The following ANO2 variants were observed in gnomAD, a reference collection of about 807,000 sequenced individuals.
ANO2 encodes anoctamin 2.
Under a neutral mutation model 124.2 loss-of-function variants are expected in ANO2, and 101 were observed. The observed-to-expected ratio is 0.81, with a 90% confidence interval of 0.69 to 0.96. The LOEUF (loss-of-function observed/expected upper bound fraction) is 0.96. ANO2 is among the 40% of genes least tolerant of loss of function. ANO2 has a pLI of 0.00. For missense variants in ANO2, 1,293 were observed against 1,274.5 expected, an observed-to-expected ratio of 1.01 and a Z score of -0.22; for synonymous variants, 486 against 482.5, an observed-to-expected ratio of 1.01 and a Z score of -0.09.
At chr12:5,564,972 TGGG>T (rs770236103) in intron 24 of ANO2, among the ~76,000 whole-genome samples, 6 of 151,974 alleles carry the variant, frequency 3.9e-5, no homozygotes, top group Non-Finnish European at 7.4e-5. Context: ...GAGTGGGAAT[TGGG>T]GGCCCTCGAG....
intron 23 of ANO2, among the ~76,000 whole-genome samples, chr12:5,566,914 C>T (rs1191462522): frequency 6.6e-6 from 1 of 152,154 alleles, no homozygotes; most frequent in Non-Finnish European, 1.5e-5. Context: ...CTCTTTGGTC[C>T]CTTCTCCTGC....
chr12:5,831,753 C>A (rs367872529), intron 5 of ANO2, among the ~76,000 whole-genome samples: 13 of 152,144 alleles, frequency 8.5e-5, no homozygotes, highest in African/African-American at 2.9e-4. Flanking sequence ...ATGAGAAGGT[C>A]CTTCTTTCTG....
At chr12:5,919,084 A>G (rs1941544050) in intron 3 of ANO2, among the ~76,000 whole-genome samples, 1 of 152,212 alleles carries the variant, frequency 6.6e-6, no homozygotes, top group South Asian at 2.1e-4. Flanking sequence ...GCACAGATAA[A>G]AAACAAACAA....
In ANO2 at chr12:5,670,637, T is replaced by G. The variant is rs1591861126; in HGVS notation, c.1546-22836A>C. Among the ~76,000 whole-genome samples, 4 of 152,284 alleles carry G rather than the reference T, an allele frequency of 2.6e-5. No homozygotes were observed. In the South Asian group the frequency reaches 8.3e-4, roughly 32 times the overall value. ...GCAGCCTTGAACTTTTGGAGCCAGT[T>G]AATCCTCCCACCACACCCTCCCAAG... On this transcript the variant is annotated intron_variant, in intron 14 of 24. Coordinates refer to ENST00000682330, the MANE Select transcript of ANO2 (RefSeq NM_001364791.2).
chr12:5,599,518 T>A lies in ANO2; in HGVS notation c.2199A>T (p.Pro733=). ...TGTACTCCGGAGTCAGTCCTGTGTATGGTTCCAAGCTGTAGTCTAGGTCCC... is the reference window on the plus strand; with the variant it reads ...TGTACTCCGGAGTCAGTCCTGTGTAAGGTTCCAAGCTGTAGTCTAGGTCCC... The part of the protein sequence containing the change: ...EQWDLDYSLE[P]YTGLTPEYME... The change falls in exon 20 of 25, where the codon CCA becomes CCT. Residue 733 remains proline (P), a synonymous_variant. Transcript: ENST00000682330. The A allele has an allele frequency of 6.2e-7, 1 of 1,613,098 alleles. No individual in the cohort carries two copies. Among genetic ancestry groups the A allele is most frequent in the East Asian group, 2.2e-5 (1 of 44,862 alleles).
intron 7 of ANO2, among the ~76,000 whole-genome samples, chr12:5,814,569 C>T (rs1953542346): frequency 1.3e-5 from 2 of 152,266 alleles, no homozygotes; most frequent in South Asian, 4.1e-4. Context: ...CCCTACACGA[C>T]ATCCTATCCA....
chr12:5,676,773 G>A (rs1014573620), intron 14 of ANO2, among the ~76,000 whole-genome samples: 6 of 152,132 alleles, frequency 3.9e-5, no homozygotes, highest in African/African-American at 1.4e-4. Context: ...AAGGAAACAG[G>A]CTGGGCCCGG....
chr12:5,815,126 A>T (rs926761417), intron 7 of ANO2, among the ~76,000 whole-genome samples: 10 of 152,236 alleles, frequency 6.6e-5, no homozygotes, highest in African/African-American at 2.4e-4. Context: ...AGAAAAAAAT[A>T]AATGAGCAGC....
chr12:5,659,771 G>A (rs962166607), intron 14 of ANO2, among the ~76,000 whole-genome samples: 4 of 151,908 alleles, frequency 2.6e-5, no homozygotes, highest in Non-Finnish European at 5.9e-5. Flanking sequence ...TTCTCAGCTC[G>A]CTGCCTCGTC....
At chr12:5,738,579 G>A (rs1170490987) in intron 13 of ANO2, among the ~76,000 whole-genome samples, 1 of 152,134 alleles carries the variant, frequency 6.6e-6, no homozygotes, top group African/African-American at 2.4e-5. Context: ...TGCTGAGCTT[G>A]GAAGTGAAAG....
At chr12:5,669,530 T>A (rs1947888813) in intron 14 of ANO2, among the ~76,000 whole-genome samples, 2 of 152,212 alleles carry the variant, frequency 1.3e-5, no homozygotes, top group South Asian at 4.1e-4. Flanking sequence ...TCTTTGTTTA[T>A]TTCTCTTACC....
At chr12:5,672,958 G>A (rs1030483184) in intron 14 of ANO2, among the ~76,000 whole-genome samples, 4 of 152,048 alleles carry the variant, frequency 2.6e-5, no homozygotes, top group African/African-American at 9.7e-5. Context: ...GTATTCCTAC[G>A]GTTCAACAAA....
chr12:5,595,492 G>A (rs1289247579), intron 20 of ANO2, among the ~76,000 whole-genome samples: 1 of 151,958 alleles, frequency 6.6e-6, no homozygotes, highest in Non-Finnish European at 1.5e-5. Context: ...CAAAGTGCTG[G>A]GTTTATAAGC....
chr12:5,696,638 T>A (rs557441650), intron 14 of ANO2, among the ~76,000 whole-genome samples: 23 of 152,260 alleles, frequency 1.5e-4, no homozygotes, highest in South Asian at 1.2e-3. Context: ...GCTTGTACAA[T>A]CTTGGCCCTT....
At chr12:5,632,515 G>A (rs1240138259) in intron 16 of ANO2, among the ~76,000 whole-genome samples, 5 of 152,020 alleles carry the variant, frequency 3.3e-5, no homozygotes, top group African/African-American at 1.2e-4. Flanking sequence ...CTCCTTTCCA[G>A]GGCACAGACT....
At chr12:5,609,622 T>C (rs534381571) in intron 19 of ANO2, among the ~76,000 whole-genome samples, 1 of 152,272 alleles carries the variant, frequency 6.6e-6, no homozygotes, top group African/African-American at 2.4e-5. Flanking sequence ...TAATTTTACA[T>C]GGAATGGGGG....
chr12:5,787,455 G>A lies in ANO2; in HGVS notation c.1055+12052C>T, dbSNP rs1952570762. ...CCCAGCAGTGGGGCATACACATGGT[G>A]GAGAAGCCAGACTCAGGAGTTCAGA... On this transcript the variant is annotated intron_variant, in intron 10 of 24. Coordinates refer to ENST00000682330, the MANE Select transcript of ANO2 (RefSeq NM_001364791.2). The surrounding 1 kb of genome is among the most constrained non-coding windows in gnomAD (Gnocchi z 4.2). 6.6e-6 allele frequency among the ~76,000 whole-genome samples: 1 copy of A among 152,148 alleles called. No individual in the cohort carries two copies.
chr12:5,700,377 G>A (rs902116022), intron 14 of ANO2, among the ~76,000 whole-genome samples: 3 of 152,156 alleles, frequency 2.0e-5, no homozygotes, highest in African/African-American at 7.2e-5. Flanking sequence ...AAATAAAGAT[G>A]TTCTTTGAAA....
intron 16 of ANO2, among the ~76,000 whole-genome samples, chr12:5,634,170 T>C (rs1190772721): frequency 1.3e-5 from 2 of 152,160 alleles, no homozygotes; most frequent in Non-Finnish European, 2.9e-5. Context: ...CTGAGGATGG[T>C]AAGCTGCCGA....
Sources: allele counts gnomAD v4.1 joint callset (sites outside exome capture counted in the v4.1 genomes callset), GRCh38; gene constraint gnomAD v4.1.1; non-coding constraint Gnocchi (gnomAD v3.1); transcripts MANE v1.5; gene names NCBI Gene and HGNC (gene_info 2026-07-23, HGNC 2026-07-21).